Variants in CSTF3 observed in about 807,000 individuals in gnomAD.
The protein encoded by CSTF3 is cleavage stimulation factor subunit 3, also known as CF-1 77 kDa subunit.
CSTF3 carries 29 observed loss-of-function variants against 105.8 expected under a neutral mutation model. The ratio of observed to expected loss-of-function variants is 0.27; its 90% CI spans 0.20 to 0.37. The LOEUF (loss-of-function observed/expected upper bound fraction) is 0.37, where lower values mean the gene tolerates loss of function less well. CSTF3 is among the 10% of genes least tolerant of loss of function. The probability of loss-of-function intolerance (pLI) is 1.00; values close to 1 mark genes in which losing one functional copy is unlikely to be tolerated. For synonymous variants in CSTF3, 252 were observed against 281.9 expected, an observed-to-expected ratio of 0.89 and a Z score of 1.06; for missense variants, 357 against 879.3, an observed-to-expected ratio of 0.41 and a Z score of 7.51.
chr11:33,154,491 C>CTTTTTT (rs34462847), intron 1 of CSTF3, among the ~76,000 whole-genome samples: 18 of 60,892 alleles, frequency 3.0e-4, no homozygotes, highest in South Asian at 6.5e-4. Flanking sequence ...GTAAGACTTT[C>CTTTTTT]TTTTTTTTTT....
rs781153589 is a variant in CSTF3 at position 33,099,424 on chromosome 11, C to T, written c.936+184G>A. Among the ~76,000 whole-genome samples the T allele has an allele frequency of 1.3e-5, 2 of 152,138 alleles. No individual in the cohort carries two copies. Among genetic ancestry groups the T allele is most frequent in the Non-Finnish European group, 2.9e-5 (2 of 68,022 alleles). ...TTCATTACTTTGATACGTTAAAAAA[C>T]TGCCAGTTTATTTTAATTCTAAGGA... On this transcript the variant is annotated intron_variant, in intron 11 of 20. Coordinates refer to ENST00000323959, the MANE Select transcript of CSTF3 (RefSeq NM_001326.3). The surrounding 1 kb of genome is among the most constrained non-coding windows in gnomAD (Gnocchi z 4.1).
At chr11:33,100,420 C>G (rs574049868) in intron 10 of CSTF3, among the ~76,000 whole-genome samples, 3 of 151,564 alleles carry the variant, frequency 2.0e-5, no homozygotes, top group African/African-American at 7.3e-5. Context: ...TTGTCTTGAA[C>G]CCCTGGGCTC....
chr11:33,106,202 G>A (rs1590267848), intron 5 of CSTF3, 138 bp from the exon 6 acceptor site: 1 of 622,546 alleles, frequency 1.6e-6, no homozygotes, highest in Non-Finnish European at 2.8e-6. Context: ...TTGAGACCAG[G>A]AATTCAAGAC....
chr11:33,104,907 C>G (rs533921399), intron 8 of CSTF3, among the ~76,000 whole-genome samples: 1 of 152,174 alleles, frequency 6.6e-6, no homozygotes, highest in Non-Finnish European at 1.5e-5. Flanking sequence ...AATATACATA[C>G]GAAAAACTTT....
chr11:33,131,921 T>A (rs1046822944), intron 3 of CSTF3, among the ~76,000 whole-genome samples: 1 of 147,866 alleles, frequency 6.8e-6, no homozygotes, highest in African/African-American at 2.7e-5. Flanking sequence ...AGGGTACTAT[T>A]CTTTGTGGTT....
At chr11:33,106,635 G>A (rs1014949799) in intron 5 of CSTF3, among the ~76,000 whole-genome samples, 3 of 152,018 alleles carry the variant, frequency 2.0e-5, no homozygotes, top group Non-Finnish European at 2.9e-5. Context: ...AACAACACTT[G>A]AACATTCTCT....
At chr11:33,147,815 G>A (rs2133803931) in intron 1 of CSTF3, among the ~76,000 whole-genome samples, 1 of 152,222 alleles carries the variant, frequency 6.6e-6, no homozygotes, top group East Asian at 1.9e-4. Context: ...GGTATGAGTT[G>A]TCGATTTCTT....
At chr11:33,139,558 G>C (rs746380690) in intron 3 of CSTF3, among the ~76,000 whole-genome samples, 8 of 151,550 alleles carry the variant, frequency 5.3e-5, no homozygotes, top group Admixed American at 6.6e-5. Context: ...CAAAAATATA[G>C]AATGTGAAAA....
intron 4 of CSTF3, among the ~76,000 whole-genome samples, 177 bp downstream of exon 4, chr11:33,108,209 T>C (rs1036169485): frequency 6.6e-6 from 1 of 152,142 alleles, no homozygotes; most frequent in Non-Finnish European, 1.5e-5. Context: ...CTTTTCCTTT[T>C]CCAAAACTTT....
At chr11:33,147,254 G>A (rs2087087) in intron 1 of CSTF3, among the ~76,000 whole-genome samples, 84,476 of 151,702 alleles carry the variant, frequency 0.56, 26,110 homozygotes, top group Non-Finnish European at 0.69. Context: ...CTAAGGCTGC[G>A]CCACTGCACT....
intron 20 of CSTF3, among the ~76,000 whole-genome samples, 196 bp downstream of exon 20, chr11:33,085,516 TA>T (rs1855095886): frequency 6.6e-6 from 1 of 152,236 alleles, no homozygotes; most frequent in African/African-American, 2.4e-5. Flanking sequence ...GATAAAGTTT[TA>T]TGACATTTTA....
intron 3 of CSTF3, among the ~76,000 whole-genome samples, chr11:33,137,659 GA>G (rs1222440105): frequency 6.6e-6 from 1 of 151,588 alleles, no homozygotes; most frequent in African/African-American, 2.4e-5. Context: ...TAAGAAACTA[GA>G]TAAAAAAGCA....
intron 17 of CSTF3, among the ~76,000 whole-genome samples, chr11:33,087,988 C>G (rs988334879): frequency 6.6e-6 from 1 of 152,184 alleles, no homozygotes; most frequent in Admixed American, 6.5e-5. Flanking sequence ...CTCTGTCTGT[C>G]TAGAAACAAA....
intron 3 of CSTF3, among the ~76,000 whole-genome samples, chr11:33,111,318 T>C (rs3117655): frequency 0.34 from 51,360 of 152,092 alleles, 9,736 homozygotes; most frequent in Middle Eastern, 0.47. Context: ...AGTTTAAAAA[T>C]CAAATGTCCA....
intron 8 of CSTF3, among the ~76,000 whole-genome samples, chr11:33,104,496 G>A (rs1301666132): frequency 6.6e-6 from 1 of 152,160 alleles, no homozygotes; most frequent in Non-Finnish European, 1.5e-5. Flanking sequence ...TTTTGGCCAG[G>A]CATGGTGGCT....
intron 3 of CSTF3, among the ~76,000 whole-genome samples, chr11:33,132,810 T>C (rs1855612978): frequency 6.6e-6 from 1 of 152,334 alleles, no homozygotes; most frequent in African/African-American, 2.4e-5. Flanking sequence ...GATGATCTTT[T>C]TGACTATTTG....
rs201043525 is a variant in CSTF3, at chr11:33,136,804, GAT to G, written c.225+4861_225+4862del. 8.2e-3 allele frequency among the ~76,000 whole-genome samples: 1,249 copies of G among 151,990 alleles called. 25 individuals carry two copies. The highest frequency in any genetic ancestry group is 0.028 in the African/African-American group (1,173 of 41,512). The stretch of plus-strand genomic sequence containing the variant: ...TATCTTTAATACCTTTTGGGACAGG[GAT>G]AGAGTTTTGAACCAAAATTATCCCC... On this transcript the variant is annotated intron_variant, in intron 3 of 20. Transcript: ENST00000323959.
chr11:33,105,971 G>A (rs1855321760), intron 6 of CSTF3, 27 bp downstream of exon 6: 2 of 1,581,706 alleles, frequency 1.3e-6, no homozygotes, highest in African/African-American at 1.4e-5. Flanking sequence ...ACATTTAAGT[G>A]CATACATTAA....
At chr11:33,110,505 G>A (rs74519751) in intron 3 of CSTF3, among the ~76,000 whole-genome samples, 2,949 of 152,254 alleles carry the variant, frequency 0.019, 49 homozygotes, top group Non-Finnish European at 0.03. Context: ...GCTTAGTAGA[G>A]GTAAACAGAG....
Sources: gnomAD v4.1 joint callset for allele counts (sites outside exome capture counted in the v4.1 genomes callset) on GRCh38, gnomAD v4.1.1 for gene constraint, Gnocchi (gnomAD v3.1) non-coding constraint, MANE v1.5 for transcripts, NCBI Gene and HGNC (gene_info 2026-07-23, HGNC 2026-07-21) for gene names.